Variants in ADGRL3 observed in about 807,000 individuals in gnomAD.
ADGRL3 encodes the protein calcium-independent alpha-latrotoxin receptor 3.
ADGRL3 carries 62 observed loss-of-function variants against 153.5 expected under a neutral mutation model. The ratio of observed to expected loss-of-function variants is 0.40; its 90% CI spans 0.33 to 0.50. The LOEUF (loss-of-function observed/expected upper bound fraction) is 0.50. ADGRL3 is among the 20% of genes least tolerant of loss of function. The pLI is 0.47. For missense variants in ADGRL3, 1,641 were observed against 1,859.4 expected (o/e 0.88, Z 2.16); for synonymous variants, 710 against 672.5 (o/e 1.06, Z -0.86).
intron 1 of ADGRL3, among the ~76,000 whole-genome samples, chr4:61,294,497 G>A (rs2094335895): frequency 1.3e-5 from 2 of 151,998 alleles, no homozygotes; most frequent in South Asian, 4.1e-4. Context: ...GGTTTATTGG[G>A]ACCAAACCCT....
At chr4:61,324,678 T>C (rs919689093) in intron 1 of ADGRL3, among the ~76,000 whole-genome samples, 1 of 152,108 alleles carries the variant, frequency 6.6e-6, no homozygotes, top group Non-Finnish European at 1.5e-5. Context: ...AACAAGCAAA[T>C]AGGAAGCAAC....
chr4:61,750,147 A>G (rs1175396531), intron 8 of ADGRL3, among the ~76,000 whole-genome samples: 1 of 146,604 alleles, frequency 6.8e-6, no homozygotes, highest in Non-Finnish European at 1.5e-5. Context: ...CAGTCTATTG[A>G]AAACAAATTG....
At chr4:62,004,002 T>C (rs1287136375) in intron 21 of ADGRL3, among the ~76,000 whole-genome samples, 3 of 152,084 alleles carry the variant, frequency 2.0e-5, no homozygotes, top group Non-Finnish European at 4.4e-5. Context: ...TAATAACTTA[T>C]TATATTTCTT....
At position 61,372,834 on chromosome 4, in the gene ADGRL3, G is replaced by C. The variant is rs541419592; in HGVS notation, c.-239-10290G>C. 9.5e-3 allele frequency among the ~76,000 whole-genome samples: 1,440 copies of C among 152,282 alleles called. 21 individuals are homozygous for C. Among genetic ancestry groups the C allele is most frequent in the African/African-American group, 0.033 (1,384 of 41,572 alleles). On this transcript the variant is annotated intron_variant, in intron 1 of 26. Transcript: ENST00000683033. ...CGGGCGCCCCTCCCCCAGTCTCGCT[G>C]CCGCCTTGCAGTTTGATCTCAGACT...
chr4:61,892,233 A>G (rs1360363571), intron 9 of ADGRL3, among the ~76,000 whole-genome samples: 2 of 149,704 alleles, frequency 1.3e-5, no homozygotes, highest in East Asian at 4.0e-4. Flanking sequence ...AGAAATCCAT[A>G]TTACACTTCA....
At chr4:61,222,382 G>A (rs192305619) in intron 1 of ADGRL3, among the ~76,000 whole-genome samples, 8 of 152,122 alleles carry the variant, frequency 5.3e-5, no homozygotes, top group Middle Eastern at 3.4e-3. Flanking sequence ...GATCAGATTA[G>A]GGTAATTAGC....
At chr4:61,466,154 C>T (rs2097881820) in intron 2 of ADGRL3, among the ~76,000 whole-genome samples, 1 of 151,932 alleles carries the variant, frequency 6.6e-6, no homozygotes, top group Admixed American at 6.6e-5. Flanking sequence ...AATAAATAAA[C>T]AAACAATCCA....
intron 5 of ADGRL3, among the ~76,000 whole-genome samples, chr4:61,646,581 G>A (rs1394811150): frequency 2.0e-5 from 3 of 151,384 alleles, no homozygotes; most frequent in Non-Finnish European, 4.4e-5. Flanking sequence ...CTCCCAGTTA[G>A]GCTGTTCGGG....
At chr4:62,004,177 C>T (rs2099149948) in intron 21 of ADGRL3, among the ~76,000 whole-genome samples, 1 of 151,840 alleles carries the variant, frequency 6.6e-6, no homozygotes, top group Admixed American at 6.6e-5. Flanking sequence ...ACAACAATAT[C>T]GCAAGAATAT....
At chr4:61,304,598 A>C (rs574833839) in intron 1 of ADGRL3, among the ~76,000 whole-genome samples, 47 of 152,086 alleles carry the variant, frequency 3.1e-4, no homozygotes, top group African/African-American at 1.1e-3. Flanking sequence ...TAACTTTCAC[A>C]TTTTCATTTT....
chr4:61,668,520 G>T (rs573517713), intron 5 of ADGRL3, among the ~76,000 whole-genome samples: 2 of 152,236 alleles, frequency 1.3e-5, no homozygotes, highest in African/African-American at 4.8e-5. Flanking sequence ...TGGTTATATT[G>T]TCACTTGCTG....
rs538758388 is a variant in ADGRL3 at position 61,200,799 on chromosome 4, C to A, written c.-1206C>A. On this transcript the variant is annotated 5_prime_UTR_variant, in exon 1 of 27. Coordinates refer to ENST00000683033, the MANE Select transcript of ADGRL3 (RefSeq NM_001387552.1). Reference sequence around the variant, plus strand: ...GAAAGAACCGAAGAGACAGCGGCGGCGGCGCAGAGCCCGGGGCCGCGCGAT... The same window carrying A: ...GAAAGAACCGAAGAGACAGCGGCGGAGGCGCAGAGCCCGGGGCCGCGCGAT... 6.6e-6 allele frequency among the ~76,000 whole-genome samples: 1 copy of A among 152,080 alleles called. No homozygotes were observed. Among genetic ancestry groups the A allele is most frequent in the African/African-American group, 2.4e-5 (1 of 41,414 alleles).
At chr4:61,471,289 T>C (rs2097950127) in intron 2 of ADGRL3, among the ~76,000 whole-genome samples, 1 of 151,822 alleles carries the variant, frequency 6.6e-6, no homozygotes, top group Admixed American at 6.6e-5. Flanking sequence ...TATTGACTTA[T>C]CTTTACATGT....
At chr4:61,806,488 AAC>A (rs961084336) in intron 8 of ADGRL3, among the ~76,000 whole-genome samples, 11 of 152,014 alleles carry the variant, frequency 7.2e-5, no homozygotes, top group African/African-American at 2.2e-4. Context: ...ATATATTATA[AAC>A]ACATATTTGC....
intron 3 of ADGRL3, among the ~76,000 whole-genome samples, chr4:61,507,957 A>G (rs2098440828): frequency 6.6e-6 from 1 of 152,182 alleles, no homozygotes; most frequent in Admixed American, 6.5e-5. Flanking sequence ...TAGTTGCCAT[A>G]CCATTAAAAA....
intron 8 of ADGRL3, among the ~76,000 whole-genome samples, chr4:61,761,867 G>T (rs1384028226): frequency 6.6e-6 from 1 of 152,120 alleles, no homozygotes; most frequent in Non-Finnish European, 1.5e-5. Flanking sequence ...GGAGCTGGAG[G>T]CTGCAGTGAG....
intron 2 of ADGRL3, among the ~76,000 whole-genome samples, chr4:61,488,723 CTT>C (rs1319141759): frequency 8.6e-5 from 13 of 151,966 alleles, no homozygotes; most frequent in Admixed American, 8.5e-4. Context: ...AAATTGTTGA[CTT>C]AACGTTCTTC....
chr4:61,810,544 C>A (rs2097601633), intron 8 of ADGRL3, among the ~76,000 whole-genome samples: 1 of 152,064 alleles, frequency 6.6e-6, no homozygotes, highest in Non-Finnish European at 1.5e-5. Flanking sequence ...TGGTCAAGTC[C>A]TTTTTCTATT....
intron 1 of ADGRL3, among the ~76,000 whole-genome samples, chr4:61,213,827 G>A (rs1352810107): frequency 6.6e-6 from 1 of 152,028 alleles, no homozygotes; most frequent in Non-Finnish European, 1.5e-5. Context: ...ATGAATATCC[G>A]AGTGCTGAAA....
Sources: allele counts gnomAD v4.1 joint callset (sites outside exome capture counted in the v4.1 genomes callset), GRCh38; gene constraint gnomAD v4.1.1; transcripts MANE v1.5; gene names NCBI Gene and HGNC (gene_info 2026-07-23, HGNC 2026-07-21).